The following CKAP5 variants were observed in gnomAD, a reference collection of about 807,000 sequenced individuals.
CKAP5 encodes cytoskeleton associated protein 5.
Under a neutral mutation model 232.8 loss-of-function variants are expected in CKAP5, and 27 were observed. That is an observed-to-expected ratio of 0.12 (90% CI 0.09 to 0.16). The LOEUF (loss-of-function observed/expected upper bound fraction) is 0.16, where lower values mean the gene tolerates loss of function less well. Among genes scored for constraint, CKAP5 ranks in the 10% least tolerant of loss-of-function variants. The pLI is 1.00. For synonymous variants in CKAP5, 785 were observed against 841.1 expected, an observed-to-expected ratio of 0.93 and a Z score of 1.16; for missense variants, 1,838 against 2,424.7, an observed-to-expected ratio of 0.76 and a Z score of 5.08.
At chr11:46,785,194 T>A (rs1565734341) in intron 16 of CKAP5, among the ~76,000 whole-genome samples, 1 of 152,246 alleles carries the variant, frequency 6.6e-6, no homozygotes, top group Non-Finnish European at 1.5e-5. Flanking sequence ...ATTATTGTGA[T>A]GGCAGACCTA....
intron 40 of CKAP5, 70 bp downstream of exon 40, chr11:46,751,048 C>T (rs983099279): frequency 1.7e-5 from 26 of 1,573,912 alleles, no homozygotes; most frequent in Non-Finnish European, 2.3e-5. Flanking sequence ...ATCCTGGTGA[C>T]CTACACCTTA....
Position 46,795,615 on chromosome 11 carries a change from T to A in CKAP5, c.1629A>T (p.Leu543=), listed in dbSNP as rs369215987. 1 of 1,613,264 alleles carries A rather than the reference T, an allele frequency of 6.2e-7. No individual in the cohort carries two copies. The highest frequency in any genetic ancestry group is 8.5e-7 in the Non-Finnish European group (1 of 1,179,718). Residue 543 remains leucine, a synonymous_variant, in exon 13 of 44, where the codon CTA becomes CTT. Coordinates refer to ENST00000529230, the MANE Select transcript of CKAP5 (RefSeq NM_001008938.4). ...KDISAPKPGP[L]KKAPAAKAGG... is the part of the protein sequence containing the mutation. ...TAACCTTAGCAGCAGGTGCCTTTTT[T>A]AGAGGTCCTGGTTTGGGTGCAGAAA... is the stretch of plus-strand genomic sequence containing the variant.
intron 28 of CKAP5, 139 bp from the exon 29 acceptor site, chr11:46,763,769 A>G (rs1017648308): frequency 9.2e-5 from 49 of 530,356 alleles, no homozygotes; most frequent in Non-Finnish European, 1.4e-4. Context: ...TATGAATGCA[A>G]ATTTCAAGGT....
rs117719877 is a variant in CKAP5 at position 46,834,162 on chromosome 11, T to C, written c.-38+12058A>G. ...CATTATAAGCATCATCCCAGTGTCA[T>C]TGAGAGATTTTAGGTTGATTTCAGA... On this transcript the variant is annotated intron_variant, in intron 1 of 43. Coordinates refer to ENST00000529230, the MANE Select transcript of CKAP5 (RefSeq NM_001008938.4). Among the ~76,000 whole-genome samples, 39 of 152,206 alleles carry C rather than the reference T, an allele frequency of 2.6e-4. No individual in the cohort carries two copies. In the East Asian group the frequency reaches 7.3e-3, roughly 29 times the overall value.
intron 42 of CKAP5, among the ~76,000 whole-genome samples, chr11:46,746,828 A>T (rs1226717145): frequency 6.6e-6 from 1 of 152,240 alleles, no homozygotes; most frequent in Non-Finnish European, 1.5e-5. Context: ...ATCAGGTGAT[A>T]GCAATTTTTC....
rs937037855 is a variant in CKAP5 at position 46,762,872 on chromosome 11, G to C, written c.3891+104C>G. On this transcript the variant is annotated intron_variant, in intron 30 of 43. Transcript: ENST00000529230. ...TAGGGAAATAGGGATAAGTAGGGAA[G>C]GTACCGTGATATAATCAGTAAAAAA... 2.8e-6 allele frequency: 4 copies of C among 1,439,438 alleles called. No homozygotes were observed. The African/African-American group carries it at 5.6e-5, about 20-fold the overall frequency. 89.2% of individuals were successfully genotyped at this position (1,439,438 alleles called of 1,614,324 possible).
intron 2 of CKAP5, 53 bp from the exon 3 acceptor site, chr11:46,818,556 C>G (rs1939458463): frequency 7.9e-7 from 1 of 1,266,998 alleles, no homozygotes; most frequent in Non-Finnish European, 1.1e-6. Context: ...ATATTATCAT[C>G]TACTATTAAT....
At chr11:46,830,526 G>T (rs1565757451) in intron 1 of CKAP5, among the ~76,000 whole-genome samples, 4 of 151,860 alleles carry the variant, frequency 2.6e-5, no homozygotes, top group Admixed American at 1.3e-4. Context: ...CCAGAAGCTG[G>T]AAGAGGCAAG....
chr11:46,836,651 AG>A, intron 1 of CKAP5, among the ~76,000 whole-genome samples: 1 of 152,352 alleles, frequency 6.6e-6, no homozygotes, highest in African/African-American at 2.4e-5. Context: ...GTGGAGCAAG[AG>A]GAACTCTCAT....
At chr11:46,763,905 A>C (rs2065178455) in intron 28 of CKAP5, among the ~76,000 whole-genome samples, 1 of 152,212 alleles carries the variant, frequency 6.6e-6, no homozygotes, top group Non-Finnish European at 1.5e-5. Flanking sequence ...GCATGATCAT[A>C]GATCACTGTA....
chr11:46,758,617 G>A (rs1378482865), intron 35 of CKAP5: 1 of 201,064 alleles, frequency 5.0e-6, no homozygotes, highest in African/African-American at 2.3e-5. Flanking sequence ...GATTACTTGA[G>A]TCCAGGAGTT....
chr11:46,845,909 T>G (rs1940178271), intron 1 of CKAP5, among the ~76,000 whole-genome samples: 1 of 151,864 alleles, frequency 6.6e-6, no homozygotes. Flanking sequence ...GGTAAATCGC[T>G]GCCGCCAGGC....
At chr11:46,779,913 C>T (rs1455358191) in intron 20 of CKAP5, among the ~76,000 whole-genome samples, 3 of 152,118 alleles carry the variant, frequency 2.0e-5, no homozygotes. Context: ...TGAACCACTG[C>T]ACCTGGCCGA....
chr11:46,759,092 C>A, intron 34 of CKAP5, 49 bp from the exon 35 acceptor site: 1 of 1,599,866 alleles, frequency 6.3e-7, no homozygotes, highest in Non-Finnish European at 8.5e-7. Flanking sequence ...ACAAGACATC[C>A]CAGTCAGTTG....
rs577384017 is a variant in CKAP5 at position 46,814,929 on chromosome 11, T to C, written c.458+1269A>G. Reference sequence around the variant, plus strand: ...CATCTCAAAGTATAGACTTCGAAAGTCTATACTTAAGATAGCAAGAGAAAA... The same window carrying C: ...CATCTCAAAGTATAGACTTCGAAAGCCTATACTTAAGATAGCAAGAGAAAA... On this transcript the variant is annotated intron_variant, in intron 4 of 43. Transcript: ENST00000529230. 2.0e-5 allele frequency among the ~76,000 whole-genome samples: 3 copies of C among 152,338 alleles called. No individual in the cohort carries two copies. The East Asian group carries it at 5.8e-4, about 29-fold the overall frequency.
intron 17 of CKAP5, 114 bp downstream of exon 17, chr11:46,784,374 A>G: frequency 2.4e-6 from 2 of 821,144 alleles, no homozygotes; most frequent in East Asian, 5.0e-5. Flanking sequence ...AAAAAAATGC[A>G]GTATCAAAAA....
intron 1 of CKAP5, among the ~76,000 whole-genome samples, chr11:46,839,318 C>T (rs1383461220): frequency 2.0e-5 from 3 of 152,060 alleles, no homozygotes; most frequent in Non-Finnish European, 4.4e-5. Flanking sequence ...AAAGAATAAG[C>T]GTAATGTGTT....
At chr11:46,753,540 T>G (rs749750654) in intron 36 of CKAP5, 43 bp from the exon 37 acceptor site, 1 of 1,419,790 alleles carries the variant, frequency 7.0e-7, no homozygotes, top group Non-Finnish European at 9.7e-7. Flanking sequence ...AAACTCAATA[T>G]AGAGAGTAAA....
intron 1 of CKAP5, among the ~76,000 whole-genome samples, chr11:46,845,191 G>A (rs1045276501): frequency 3.3e-5 from 5 of 152,166 alleles, no homozygotes; most frequent in Non-Finnish European, 2.9e-5. Flanking sequence ...TGATGAAAAT[G>A]GAGGAAGGAG....
Sources: gnomAD v4.1 joint callset for allele counts (sites outside exome capture counted in the v4.1 genomes callset) on GRCh38, gnomAD v4.1.1 for gene constraint, MANE v1.5 for transcripts, NCBI Gene and HGNC (gene_info 2026-07-23, HGNC 2026-07-21) for gene names.